Variants in TRIM55 observed in about 807,000 individuals in gnomAD.
TRIM55 encodes tripartite motif-containing protein 55.
In TRIM55, 50 loss-of-function variants were observed where a neutral mutation model predicts 60.9. The ratio of observed to expected loss-of-function variants is 0.82; its 90% CI spans 0.65 to 1.04. The LOEUF (loss-of-function observed/expected upper bound fraction) is 1.04. Ranked by LOEUF, TRIM55 falls within the 50% of genes least tolerant of loss-of-function variation. The probability of loss-of-function intolerance (pLI) is 0.00; values close to 1 mark genes in which losing one functional copy is unlikely to be tolerated. For missense variants in TRIM55, 681 were observed against 666.9 expected (o/e 1.02, Z -0.23); for synonymous variants, 237 against 238.1 (o/e 1.00, Z 0.04).
rs1181531034 is a variant in TRIM55 at position 66,175,125 on chromosome 8, T to C, written c.*532T>C. On this transcript the variant is annotated 3_prime_UTR_variant, in exon 10 of 10. Transcript: ENST00000315962. ...AAGTTTTCCTCTTTTGCATAACAGATGTCACTGGATGTACATTCAGAAATG... is the reference window on the plus strand; with the variant it reads ...AAGTTTTCCTCTTTTGCATAACAGACGTCACTGGATGTACATTCAGAAATG... The C allele has an allele frequency of 6.5e-6, 1 of 152,688 alleles. No individual in the cohort carries two copies. Among genetic ancestry groups the C allele is most frequent in the Non-Finnish European group, 1.5e-5 (1 of 68,056 alleles). 9.5% of individuals were successfully genotyped at this position (152,688 alleles called of 1,614,324 possible).
At chr8:66,158,922 G>C (rs1327243642) in intron 9 of TRIM55, among the ~76,000 whole-genome samples, 1 of 152,212 alleles carries the variant, frequency 6.6e-6, no homozygotes, top group Non-Finnish European at 1.5e-5. Context: ...GTCGCCTAAA[G>C]TTACTTACAG....
At chr8:66,113,845 AG>A in the TRIM55 span, among the ~76,000 whole-genome samples, 1 of 152,156 alleles carries the variant, frequency 6.6e-6, no homozygotes, top group African/African-American at 2.4e-5. Flanking sequence ...TGCCGTGAGG[AG>A]GTGGGGGGTC....
At chr8:66,155,625 G>A (rs371317596) in intron 9 of TRIM55, 1 of 1,599,714 alleles carries the variant, frequency 6.3e-7, no homozygotes, top group Non-Finnish European at 8.5e-7. Context: ...TCTCACAGGA[G>A]TTAGTAATCT....
chr8:66,128,462 G>C lies in TRIM55; in HGVS notation c.327G>C (p.Lys109Asn), dbSNP rs1447205432. Residue 109 changes from lysine to asparagine, a missense_variant, in exon 2 of 10, where the codon AAG becomes AAC. By Grantham distance (94) the Lys-to-Asn change is moderately conservative (BLOSUM62 0). Coordinates refer to ENST00000315962, the MANE Select transcript of TRIM55 (RefSeq NM_184085.2). ...TGGAAAATATCATTGACATCTACAA[G>C]CAGGAGTCCACCAGGTAACACTCTT... The part of the protein sequence containing the change: ...LLVENIIDIY[K>N]QESTRPEKKS... 6.2e-7 allele frequency: 1 copy of C among 1,613,082 alleles called. No individual in the cohort carries two copies. The highest frequency in any genetic ancestry group is 1.7e-5 in the Admixed American group (1 of 59,852).
intron 4 of TRIM55, among the ~76,000 whole-genome samples, chr8:66,149,180 T>C (rs1810264986): frequency 6.6e-6 from 1 of 152,144 alleles, no homozygotes; most frequent in South Asian, 2.1e-4. Context: ...AAGCTACAAA[T>C]TCTATATAGG....
chr8:66,150,221 C>A lies in TRIM55; in HGVS notation c.842C>A (p.Ala281Asp). 6.2e-7 allele frequency: 1 copy of A among 1,613,040 alleles called. No individual in the cohort carries two copies. The highest frequency in any genetic ancestry group is 8.5e-7 in the Non-Finnish European group (1 of 1,179,402). ...EPEMAVFLQN[A>D]KTLLKKISEA... ...ATCTTTTGTTTGCTTTCACAGAATG[C>A]CAAAACCCTGCTAAAAAAGTAAGAA... Residue 281 changes from alanine to aspartate, a missense_variant, in exon 6 of 10, where the codon GCC (alanine) becomes GAC (aspartate). Physicochemically the swap from Ala to Asp is moderately radical, Grantham distance 126 (BLOSUM62 -2). Transcript: ENST00000315962.
In TRIM55 at chr8:66,174,732, A is replaced by G. The variant is rs1293458841; in HGVS notation, c.*139A>G. ...TTCTGCAAAAATAGCCCCAAACTGCAATTCCATATGACTTATCTAACATCT... is the reference window on the plus strand; with the variant it reads ...TTCTGCAAAAATAGCCCCAAACTGCGATTCCATATGACTTATCTAACATCT... On this transcript the variant is annotated 3_prime_UTR_variant, in exon 10 of 10. Coordinates refer to ENST00000315962, the MANE Select transcript of TRIM55 (RefSeq NM_184085.2). 1.6e-5 allele frequency: 14 copies of G among 867,838 alleles called. No homozygotes were observed. The African/African-American group carries it at 2.3e-4, about 14-fold the overall frequency. 53.8% of individuals were successfully genotyped at this position (867,838 alleles called of 1,614,324 possible).
chr8:66,150,105 C>T (rs796691279), intron 5 of TRIM55, 112 bp from the exon 6 acceptor site: 7 of 1,287,286 alleles, frequency 5.4e-6, no homozygotes, highest in Non-Finnish European at 7.6e-6. Context: ...TTATTTATGA[C>T]ATTTAGAAAC....
rs572937121 is a variant in TRIM55 at position 66,154,199 on chromosome 8, C to A, written c.1389C>A (p.Ser463Arg). ...ATTNPPCTPG[S>R]EGLGQIGPPG... ...CCAACCCACCTTGCACCCCAGGGAG[C>A]GAAGGTCTGGGGCAAATAGGGCCTC... is the stretch of plus-strand genomic sequence containing the variant. The change falls in exon 9 of 10, where the codon AGC becomes AGA. Residue 463 changes from serine to arginine, a missense_variant. Physicochemically the swap from Ser to Arg is moderately radical, Grantham distance 110. Coordinates refer to ENST00000315962, the MANE Select transcript of TRIM55 (RefSeq NM_184085.2). The A allele has an allele frequency of 6.2e-7, 1 of 1,613,990 alleles. No homozygotes were observed. The highest frequency in any genetic ancestry group is 8.5e-7 in the Non-Finnish European group (1 of 1,179,998).
At chr8:66,125,011 C>A (rs546167969), upstream of TRIM55, among the ~76,000 whole-genome samples, 4 of 152,302 alleles carry the variant, frequency 2.6e-5, no homozygotes, top group East Asian at 7.7e-4. Context: ...CCGCCCAGCC[C>A]CAACATGTAA....
At chr8:66,129,205 G>T (rs1200939405) in intron 2 of TRIM55, among the ~76,000 whole-genome samples, 2 of 152,116 alleles carry the variant, frequency 1.3e-5, no homozygotes, top group African/African-American at 4.8e-5. Flanking sequence ...AACAAAAAAG[G>T]CTTCTTATTC....
intron 8 of TRIM55, among the ~76,000 whole-genome samples, chr8:66,153,792 C>A (rs1458311159): frequency 6.6e-6 from 1 of 152,134 alleles, no homozygotes; most frequent in Admixed American, 6.5e-5. Flanking sequence ...TCTCTGCCTG[C>A]CTGGGCTCCC....
In TRIM55 at chr8:66,174,760, G is replaced by C; in HGVS notation, c.*167G>C. 1 of 548,826 alleles carries C rather than the reference G, an allele frequency of 1.8e-6. No homozygotes were observed. Among genetic ancestry groups the C allele is most frequent in the Non-Finnish European group, 2.8e-6 (1 of 353,566 alleles). The allele number at this position is 548,826 out of a possible 1,614,324, so 34.0% of individuals were successfully genotyped here. A position where few individuals can be genotyped will look rare whatever the true frequency, so the allele number is the denominator to read the frequency against. On this transcript the variant is annotated 3_prime_UTR_variant, in exon 10 of 10. Coordinates refer to ENST00000315962, the MANE Select transcript of TRIM55 (RefSeq NM_184085.2). ...TCCATATGACTTATCTAACATCTTGGGGGGAAAGAATATTTTGAGAAAATA... is the reference window on the plus strand; with the variant it reads ...TCCATATGACTTATCTAACATCTTGCGGGGAAAGAATATTTTGAGAAAATA...
chr8:66,113,448 C>A, the TRIM55 span: 17 of 452,118 alleles, frequency 3.8e-5, no homozygotes, highest in Non-Finnish European at 6.7e-5. Context: ...GGTTCGATTC[C>A]GGCTCGAAGG....
intron 9 of TRIM55, among the ~76,000 whole-genome samples, chr8:66,169,053 T>C (rs535693246): frequency 9.2e-5 from 14 of 152,176 alleles, no homozygotes; most frequent in Non-Finnish European, 1.9e-4. Context: ...TGGCATGTCA[T>C]GGAGGCCCTG....
chr8:66,144,907 A>G (rs1252391180), intron 4 of TRIM55, among the ~76,000 whole-genome samples: 1 of 152,184 alleles, frequency 6.6e-6, no homozygotes, highest in African/African-American at 2.4e-5. Flanking sequence ...ATTTTTTCCT[A>G]TTCCATTTTT....
chr8:66,116,439 T>C, the TRIM55 span, among the ~76,000 whole-genome samples: 1 of 151,786 alleles, frequency 6.6e-6, no homozygotes, highest in Non-Finnish European at 1.5e-5. Flanking sequence ...AAACCCTGTC[T>C]CTACAAAAAA....
intron 2 of TRIM55, among the ~76,000 whole-genome samples, chr8:66,133,132 A>G (rs1307862698): frequency 6.6e-6 from 1 of 152,100 alleles, no homozygotes; most frequent in Non-Finnish European, 1.5e-5. Flanking sequence ...GCCAGTCCCA[A>G]CCCCAGAGGG....
the TRIM55 span, among the ~76,000 whole-genome samples, chr8:66,118,642 T>C: frequency 2.0e-5 from 3 of 152,192 alleles, no homozygotes; most frequent in Non-Finnish European, 2.9e-5. Flanking sequence ...AGTTGTTACA[T>C]GGAGGGAAAT....
Sources: allele counts gnomAD v4.1 joint callset (sites outside exome capture counted in the v4.1 genomes callset), GRCh38; gene constraint gnomAD v4.1.1; transcripts MANE v1.5; gene names NCBI Gene and HGNC (gene_info 2026-07-23, HGNC 2026-07-21).